Variants in PCDHGB4 observed in about 807,000 individuals in gnomAD.
The protein encoded by PCDHGB4 is protocadherin gamma-B4.
A neutral mutation model predicts 60.5 loss-of-function variants in PCDHGB4; 38 were observed. The observed-to-expected ratio is 0.63, with a 90% CI of 0.48 to 0.82. The LOEUF (loss-of-function observed/expected upper bound fraction) is 0.82, where lower values mean the gene tolerates loss of function less well. Ranked by LOEUF, PCDHGB4 falls within the 40% of genes least tolerant of loss-of-function variation. PCDHGB4 has a pLI of 0.00. For synonymous variants in PCDHGB4, 456 were observed against 509.7 expected (o/e 0.89, Z 1.42); for missense variants, 1,109 against 1,209.6 (o/e 0.92, Z 1.23).
At chr5:141,423,750 T>TGG (rs144521096) in intron 1 of PCDHGB4, 9,462 of 287,056 alleles carry the variant, frequency 0.033, 140 homozygotes, top group African/African-American at 0.097. Flanking sequence ...GAAAACTGTT[T>TGG]GGGGGGGGGG....
chr5:141,448,788 A>C (rs865953914), intron 1 of PCDHGB4, among the ~76,000 whole-genome samples: 3 of 151,964 alleles, frequency 2.0e-5, no homozygotes, highest in South Asian at 2.1e-4. Flanking sequence ...AAAATACAAA[A>C]AAAAAAATTA....
chr5:141,415,815 A>G, intron 1 of PCDHGB4: 1 of 1,337,656 alleles, frequency 7.5e-7, no homozygotes, highest in East Asian at 2.7e-5. Context: ...AGGCCTATAT[A>G]TCATAAGGCT....
chr5:141,400,005 T>A, intron 1 of PCDHGB4: 1 of 1,612,520 alleles, frequency 6.2e-7, no homozygotes, highest in Non-Finnish European at 8.5e-7. Context: ...GCACAGCGCG[T>A]GCCTTGGGCG....
chr5:141,418,749 C>A, intron 1 of PCDHGB4: 1 of 1,613,866 alleles, frequency 6.2e-7, no homozygotes, highest in South Asian at 1.1e-5. Flanking sequence ...CTGGATTACA[C>A]TACAGGAAAC....
intron 1 of PCDHGB4, among the ~76,000 whole-genome samples, chr5:141,460,737 G>GTA (rs1393989215): frequency 2.0e-5 from 3 of 150,700 alleles, no homozygotes; most frequent in East Asian, 1.9e-4. Context: ...TATACACATT[G>GTA]TATATATATG....
chr5:141,500,294 C>T (rs755761935), intron 2 of PCDHGB4, among the ~76,000 whole-genome samples: 3 of 151,732 alleles, frequency 2.0e-5, no homozygotes, highest in Non-Finnish European at 2.9e-5. Flanking sequence ...CTGCAAGCTC[C>T]GCCTCCCAGG....
chr5:141,430,255 T>TC (rs11167746), intron 1 of PCDHGB4, among the ~76,000 whole-genome samples: 81,857 of 151,872 alleles, frequency 0.54, 24,107 homozygotes, highest in African/African-American at 0.79. Flanking sequence ...GGGAGACATC[T>TC]CCATAATAGG....
chr5:141,427,481 C>G, intron 1 of PCDHGB4: 2 of 534,060 alleles, frequency 3.7e-6, no homozygotes, highest in Non-Finnish European at 7.2e-6. Flanking sequence ...CCAATAATGA[C>G]TATAAGCTTG....
intron 1 of PCDHGB4, among the ~76,000 whole-genome samples, chr5:141,435,561 T>A (rs2154556722): frequency 6.6e-6 from 1 of 152,294 alleles, no homozygotes; most frequent in South Asian, 2.1e-4. Flanking sequence ...TGAGTGCTTT[T>A]TTTAGTACTG....
chr5:141,427,268 A>G (rs1433017911), intron 1 of PCDHGB4: 7 of 456,648 alleles, frequency 1.5e-5, no homozygotes, highest in Non-Finnish European at 3.1e-5. Flanking sequence ...TGACCAGCGA[A>G]TGTAAAATTA....
intron 1 of PCDHGB4, chr5:141,423,216 G>A (rs376530221): frequency 1.2e-6 from 2 of 1,613,632 alleles, no homozygotes; most frequent in African/African-American, 2.7e-5. Flanking sequence ...CGCTCACCGT[G>A]GCTGTGGCCG....
At chr5:141,483,972 A>G in intron 1 of PCDHGB4, among the ~76,000 whole-genome samples, 1 of 83,960 alleles carries the variant, frequency 1.2e-5, no homozygotes, top group Admixed American at 1.8e-4. Context: ...TGCTTGTGCA[A>G]GGGAGTAGCT....
chr5:141,478,364 G>A (rs1382073187), intron 1 of PCDHGB4: 2 of 1,613,660 alleles, frequency 1.2e-6, no homozygotes, highest in African/African-American at 2.7e-5. Flanking sequence ...CGTGCGGGGA[G>A]GCCTGATGTC....
chr5:141,431,833 AAACTCT>A lies in PCDHGB4; in HGVS notation c.2397+41553_2397+41558del. The A allele has an allele frequency of 1.2e-6, 2 of 1,614,278 alleles. No homozygotes were observed. Among genetic ancestry groups the A allele is most frequent in the Non-Finnish European group, 1.7e-6 (2 of 1,180,044 alleles). ...CCTCTCTCGCCAGCTCGGTTCCCGA[AAACTCT>A]CCCAGAGGGACATTAATTGCCCTTT... is the stretch of plus-strand genomic sequence containing the variant. On this transcript the variant is annotated intron_variant, in intron 1 of 3. Transcript: ENST00000519479. This position sits in a 1 kb window ranked among gnomAD's most constrained non-coding sequence, Gnocchi z 4.8.
At chr5:141,441,127 G>A (rs1224106490) in intron 1 of PCDHGB4, 2 of 152,138 alleles carry the variant, frequency 1.3e-5, no homozygotes, top group African/African-American at 2.4e-5. Context: ...AGTTGAGACC[G>A]AATTTCTAGA....
chr5:141,501,290 TACACACACAC>T (rs55762287), intron 2 of PCDHGB4, among the ~76,000 whole-genome samples: 44 of 136,248 alleles, frequency 3.2e-4, no homozygotes, highest in Admixed American at 7.8e-4. Context: ...TATTCCCTTA[TACACACACAC>T]ACACACACAC....
chr5:141,417,851 G>T (rs1196210157), intron 1 of PCDHGB4: 1 of 1,543,508 alleles, frequency 6.5e-7, no homozygotes. Flanking sequence ...GCGAGAACCC[G>T]AGCGAACGAT....
intron 1 of PCDHGB4, among the ~76,000 whole-genome samples, chr5:141,453,258 T>A (rs1336801456): frequency 1.6e-4 from 25 of 152,096 alleles, no homozygotes; most frequent in Admixed American, 1.6e-3. Flanking sequence ...GGGCTGCAAG[T>A]GCACACCACC....
In PCDHGB4 at chr5:141,432,399, C is replaced by T. The variant is rs2097496727; in HGVS notation, c.2397+42118C>T. ...CACCCGCCCCTCAGCAGCAACGTGT[C>T]GTTGAGCCTGTTCGTGCTGGACCAG... is the stretch of plus-strand genomic sequence containing the variant. On this transcript the variant is annotated intron_variant, in intron 1 of 3. Coordinates refer to ENST00000519479, the MANE Select transcript of PCDHGB4 (RefSeq NM_003736.4). This position sits in a 1 kb window ranked among gnomAD's most constrained non-coding sequence, Gnocchi z 6.0. 1.2e-6 allele frequency: 2 copies of T among 1,614,240 alleles called. No homozygotes were observed. Among genetic ancestry groups the T allele is most frequent in the Non-Finnish European group, 1.7e-6 (2 of 1,180,040 alleles).
Sources: allele counts gnomAD v4.1 joint callset (sites outside exome capture counted in the v4.1 genomes callset), GRCh38; gene constraint gnomAD v4.1.1; non-coding constraint Gnocchi (gnomAD v3.1); transcripts MANE v1.5; gene names NCBI Gene and HGNC (gene_info 2026-07-23, HGNC 2026-07-21).